MEGF10: variants seen among roughly 807,000 people sequenced by gnomAD.
MEGF10 encodes multiple epidermal growth factor-like domains protein 10.
MEGF10 carries 86 observed loss-of-function variants against 147.5 expected under a neutral mutation model. The observed-to-expected ratio is 0.58, with a 90% confidence interval of 0.49 to 0.70. The LOEUF is 0.70. MEGF10 is among the 30% of genes least tolerant of loss of function. The probability of loss-of-function intolerance (pLI) is 0.00; values close to 1 mark genes in which losing one functional copy is unlikely to be tolerated. For missense variants in MEGF10, 1,329 were observed against 1,487.3 expected, an observed-to-expected ratio of 0.89 and a Z score of 1.75; for synonymous variants, 478 against 525.5, an observed-to-expected ratio of 0.91 and a Z score of 1.24.
intron 1 of MEGF10, among the ~76,000 whole-genome samples, chr5:127,317,915 AG>A (rs138731838): frequency 0.036 from 5,490 of 152,082 alleles, 130 homozygotes; most frequent in Non-Finnish European, 0.049. Flanking sequence ...AAAAAAAGTG[AG>A]GGGGGAGTGT....
chr5:127,435,225 A>T, intron 15 of MEGF10, 136 bp from the exon 16 acceptor site: 1 of 1,021,138 alleles, frequency 9.8e-7, no homozygotes, highest in African/African-American at 1.6e-5. Context: ...TTCAAGATGA[A>T]GGATGCTGTT....
At chr5:127,388,447 C>T (rs1259173324) in intron 5 of MEGF10, among the ~76,000 whole-genome samples, 2 of 152,030 alleles carry the variant, frequency 1.3e-5, no homozygotes, top group African/African-American at 4.8e-5. Context: ...CCATGCCCAG[C>T]CTACATAGAA....
the MEGF10 span, among the ~76,000 whole-genome samples, chr5:127,246,930 ATATATGAT>A: frequency 2.3e-5 from 3 of 129,926 alleles, no homozygotes; most frequent in African/African-American, 6.1e-5. Flanking sequence ...TTATACAATA[ATATATGAT>A]TATATTATAT....
At chr5:127,396,488 C>CAGGGA (rs1561618691) in intron 5 of MEGF10, 44 bp from the exon 6 acceptor site, 1 of 1,479,524 alleles carries the variant, frequency 6.8e-7, no homozygotes, top group Admixed American at 2.4e-5. Flanking sequence ...AAATCTGGTT[C>CAGGGA]TCCCTTACCC....
At chr5:127,257,221 T>G in the MEGF10 span, among the ~76,000 whole-genome samples, 1 of 151,940 alleles carries the variant, frequency 6.6e-6, no homozygotes, top group South Asian at 2.1e-4. Context: ...TCTGTGGGAA[T>G]TGACTCTTCT....
intron 2 of MEGF10, among the ~76,000 whole-genome samples, chr5:127,338,189 CTG>C (rs1398472391): frequency 6.6e-6 from 1 of 151,984 alleles, no homozygotes; most frequent in East Asian, 1.9e-4. Context: ...GCAAATGAGT[CTG>C]TGATTATGGC....
chr5:127,262,801 C>G, the MEGF10 span, among the ~76,000 whole-genome samples: 1 of 152,146 alleles, frequency 6.6e-6, no homozygotes, highest in African/African-American at 2.4e-5. Context: ...TTCTCTATCT[C>G]TATCTCTTTC....
chr5:127,456,248 C>T (rs1399094114), intron 24 of MEGF10, among the ~76,000 whole-genome samples: 2 of 152,124 alleles, frequency 1.3e-5, no homozygotes, highest in African/African-American at 4.8e-5. Context: ...AAACATTTTA[C>T]TTTTAAACTT....
Position 127,396,591 on chromosome 5 carries a change from G to A in MEGF10, c.472G>A (p.Ala158Thr), listed in dbSNP as rs1287636458. The part of the protein sequence containing the change: ...CTSRCQCKNG[A>T]LCNPITGACH... ...CAGCCGGTGCCAGTGCAAAAATGGG[G>A]CTCTGTGCAACCCCATCACCGGGGC... The change falls in exon 6 of 25, where the codon GCT (alanine) becomes ACT (threonine). Residue 158 changes from alanine to threonine, a missense_variant. Physicochemically the swap from Ala to Thr is moderately conservative, Grantham distance 58 (BLOSUM62 0). Around this residue, in one of 3 missense-constraint regions of MEGF10, gnomAD observed 980 missense variants for 1,085.9 expected, o/e 0.90. Transcript: ENST00000503335. 5 of 1,605,684 alleles carry A rather than the reference G, an allele frequency of 3.1e-6. No homozygotes were observed. Among genetic ancestry groups the A allele is most frequent in the East Asian group, 2.2e-5 (1 of 44,652 alleles).
At position 127,353,992 on chromosome 5, in the gene MEGF10, A is replaced by C. The variant is rs753343382; in HGVS notation, c.319+13362A>C. Among the ~76,000 whole-genome samples the C allele has an allele frequency of 5.9e-5, 9 of 152,358 alleles. No individual in the cohort carries two copies. In the South Asian group the frequency reaches 8.3e-4, roughly 14 times the overall value. The stretch of plus-strand genomic sequence containing the variant: ...GTAAATAAGAAGCCTTAACTCCCAC[A>C]CACTGAACTGTGTATGATTTCCTGT... On this transcript the variant is annotated intron_variant, in intron 4 of 24. Coordinates refer to ENST00000503335, the MANE Select transcript of MEGF10 (RefSeq NM_001256545.2).
chr5:127,314,771 T>C (rs778942834), intron 1 of MEGF10, among the ~76,000 whole-genome samples: 6 of 152,212 alleles, frequency 3.9e-5, no homozygotes, highest in Non-Finnish European at 8.8e-5. Context: ...GATTCTTCAA[T>C]TGAGATATTC....
At chr5:127,271,935 G>C in the MEGF10 span, among the ~76,000 whole-genome samples, 3 of 152,150 alleles carry the variant, frequency 2.0e-5, no homozygotes, top group East Asian at 5.8e-4. Context: ...AGTTTAATTA[G>C]ATCCCATTGG....
the MEGF10 span, among the ~76,000 whole-genome samples, chr5:127,279,329 A>C: frequency 2.0e-5 from 3 of 152,094 alleles, no homozygotes; most frequent in African/African-American, 7.2e-5. Context: ...GATTATGGAG[A>C]GGCTGCAATT....
At chr5:127,288,749 A>T (rs776931486), upstream of MEGF10, among the ~76,000 whole-genome samples, 4 of 152,346 alleles carry the variant, frequency 2.6e-5, no homozygotes, top group East Asian at 7.7e-4. Context: ...ATAATAATGT[A>T]TGTCCACAAA....
intron 9 of MEGF10, among the ~76,000 whole-genome samples, chr5:127,411,354 T>A (rs952125331): frequency 6.6e-6 from 1 of 152,240 alleles, no homozygotes; most frequent in African/African-American, 2.4e-5. Context: ...AAAAATGTAG[T>A]GCGTTATATA....
Position 127,422,790 on chromosome 5 carries a change from C to T in MEGF10, c.1693+18C>T. ...ATGGTCAGGTGAGAGCCAAGGACCG[C>T]TAATTGAAAGGTGAAACCCGCCAAT... On this transcript the variant is annotated intron_variant, in intron 13 of 24. Transcript: ENST00000503335. The T allele has an allele frequency of 6.2e-7, 1 of 1,600,770 alleles. No homozygotes were observed. Among genetic ancestry groups the T allele is most frequent in the African/African-American group, 1.3e-5 (1 of 74,750 alleles).
At chr5:127,403,913 G>A (rs568869212) in intron 8 of MEGF10, among the ~76,000 whole-genome samples, 13 of 152,280 alleles carry the variant, frequency 8.5e-5, no homozygotes, top group African/African-American at 2.6e-4. Flanking sequence ...TAGGAGTGCA[G>A]ATATCACTTC....
chr5:127,345,277 G>C lies in MEGF10; in HGVS notation c.319+4647G>C, dbSNP rs569289409. Among the ~76,000 whole-genome samples the C allele has an allele frequency of 2.0e-5, 3 of 152,244 alleles. No homozygotes were observed. In the South Asian group the frequency reaches 6.2e-4, roughly 32 times the overall value. ...CTGGAATGAGCACACAGAACTTTTG[G>C]GGAGGCTGGTAAAATGCAGATTCTG... On this transcript the variant is annotated intron_variant, in intron 4 of 24. Transcript: ENST00000503335.
chr5:127,354,855 A>G (rs999101755), intron 4 of MEGF10, among the ~76,000 whole-genome samples: 1 of 152,194 alleles, frequency 6.6e-6, no homozygotes, highest in African/African-American at 2.4e-5. Context: ...AGGATTTTCA[A>G]TGGCTATGTT....
Sources: gnomAD v4.1 joint callset for allele counts (sites outside exome capture counted in the v4.1 genomes callset) on GRCh38, gnomAD v4.1.1 for gene constraint, gnomAD v4.1.1 regional missense constraint, MANE v1.5 for transcripts, NCBI Gene and HGNC (gene_info 2026-07-23, HGNC 2026-07-21) for gene names.